OMA1: variants seen among roughly 807,000 people sequenced by gnomAD.
OMA1 encodes the protein metalloendopeptidase OMA1, mitochondrial.
Under a neutral mutation model 30.9 loss-of-function variants are expected in OMA1, and 38 were observed. The observed-to-expected ratio is 1.23, with a 90% CI of 0.95 to 1.61. OMA1 has a LOEUF of 1.61. Among genes scored for constraint, OMA1 ranks in the 40% most tolerant of loss-of-function variants. OMA1 has a pLI of 0.00. For missense variants in OMA1, 461 were observed against 349.2 expected, an observed-to-expected ratio of 1.32 and a Z score of -2.55; for synonymous variants, 173 against 121.9, an observed-to-expected ratio of 1.42 and a Z score of -2.76.
rs989712359 is a variant in OMA1 at position 58,480,937 on chromosome 1, A to C, written c.*28T>G. 2 of 840,740 alleles carry C rather than the reference A, an allele frequency of 2.4e-6. No homozygotes were observed. Among genetic ancestry groups the C allele is most frequent in the African/African-American group, 3.3e-5 (2 of 60,358 alleles). 52.1% of individuals were successfully genotyped at this position (840,740 alleles called of 1,614,324 possible). A position where few individuals can be genotyped will look rare whatever the true frequency, so the allele number is the denominator to read the frequency against. Reference sequence around the variant, plus strand: ...AATGATAAGGACTGCAACATTCTTCATATATCTTGTGTCTCATAAATTTTA... The same window carrying C: ...AATGATAAGGACTGCAACATTCTTCCTATATCTTGTGTCTCATAAATTTTA... On this transcript the variant is annotated 3_prime_UTR_variant, in exon 9 of 9. Transcript: ENST00000371226.
At chr1:58,545,881 C>T (rs1646694873) in intron 1 of OMA1, among the ~76,000 whole-genome samples, 1 of 152,188 alleles carries the variant, frequency 6.6e-6, no homozygotes, top group Non-Finnish European at 1.5e-5. Flanking sequence ...AATTGGACGG[C>T]AGCAGACTTG....
chr1:58,515,718 C>T (rs960029250), intron 7 of OMA1, among the ~76,000 whole-genome samples: 4 of 152,102 alleles, frequency 2.6e-5, no homozygotes, highest in Admixed American at 2.6e-4. Context: ...AGATACTTTG[C>T]TGTGATGAAA....
At chr1:58,543,835 C>A (rs778177905) in intron 1 of OMA1, among the ~76,000 whole-genome samples, 4 of 152,174 alleles carry the variant, frequency 2.6e-5, no homozygotes, top group Non-Finnish European at 4.4e-5. Flanking sequence ...ATACAACAGA[C>A]CTTTCTACAA....
Position 58,534,160 on chromosome 1 carries a change from G to A in OMA1, c.901C>T (p.Pro301Ser), listed in dbSNP as rs1290671392. Residue 301 changes from proline to serine, a missense_variant and splice_region_variant, in exon 4 of 9, where the codon CCA becomes TCA. Physicochemically the swap from Pro to Ser is moderately conservative, Grantham distance 74. Transcript: ENST00000371226. ...DSPIINAFVL[P>S]NGQMFVFTGF... ...TGCGTTTGAGAACATTTACTTACTGGAAGCACGAAGGCATTAATAATTGGG... is the reference window on the plus strand; with the variant it reads ...TGCGTTTGAGAACATTTACTTACTGAAAGCACGAAGGCATTAATAATTGGG... 2.3e-6 allele frequency: 2 copies of A among 870,118 alleles called. No individual in the cohort carries two copies. Among genetic ancestry groups the A allele is most frequent in the African/African-American group, 3.3e-5 (2 of 61,174 alleles). 53.9% of individuals were successfully genotyped at this position (870,118 alleles called of 1,614,324 possible).
intron 7 of OMA1, among the ~76,000 whole-genome samples, chr1:58,525,650 T>C (rs1382824766): frequency 3.3e-5 from 5 of 152,128 alleles, no homozygotes; most frequent in African/African-American, 4.8e-5. Flanking sequence ...CCCAAATTCA[T>C]GTATAAATGC....
intron 8 of OMA1, among the ~76,000 whole-genome samples, chr1:58,490,568 T>C (rs1645663241): frequency 6.6e-6 from 1 of 152,000 alleles, no homozygotes; most frequent in Non-Finnish European, 1.5e-5. Context: ...CAGGCCAACA[T>C]TCAAATTCAG....
chr1:58,531,223 C>G (rs2100475088), intron 5 of OMA1, among the ~76,000 whole-genome samples: 1 of 152,196 alleles, frequency 6.6e-6, no homozygotes. Flanking sequence ...CACTACCTAA[C>G]ATATGAAGCA....
chr1:58,544,728 G>A (rs1646674015), intron 1 of OMA1, among the ~76,000 whole-genome samples: 1 of 152,082 alleles, frequency 6.6e-6, no homozygotes. Flanking sequence ...TCAGTAGCTG[G>A]GATTACAAGC....
At chr1:58,490,702 G>A (rs1239633557) in intron 8 of OMA1, among the ~76,000 whole-genome samples, 1 of 151,080 alleles carries the variant, frequency 6.6e-6, no homozygotes, top group African/African-American at 2.4e-5. Context: ...GAAAGGTCGG[G>A]TTACCCACAA....
Position 58,536,576 on chromosome 1 carries a change from C to G in OMA1, c.666G>C (p.Arg222Ser), listed in dbSNP as rs1646520671. Residue 222 changes from arginine to serine, a missense_variant, in exon 3 of 9, where the codon AGG (arginine) becomes AGC (serine). Arg to Ser is a moderately radical substitution (Grantham distance 110). Coordinates refer to ENST00000371226, the MANE Select transcript of OMA1 (RefSeq NM_145243.5). ...THLEVSPITG[R>S]SKLLLLGKEQ... is the part of the protein sequence containing the mutation. ...CTTTCCCCAATAATAGTAGCTTGCT[C>G]CTTCCTGTGATTGGACTTACTTCCA... 1.1e-6 allele frequency: 1 copy of G among 872,672 alleles called. No homozygotes were observed. Among genetic ancestry groups the G allele is most frequent in the African/African-American group, 1.6e-5 (1 of 61,298 alleles). 54.1% of individuals were successfully genotyped at this position (872,672 alleles called of 1,614,324 possible).
At chr1:58,483,526 G>C (rs1645524799) in intron 8 of OMA1, among the ~76,000 whole-genome samples, 1 of 152,152 alleles carries the variant, frequency 6.6e-6, no homozygotes, top group Non-Finnish European at 1.5e-5. Flanking sequence ...TTCTTCAGTG[G>C]CAGTGGTCTT....
At chr1:58,494,510 A>G (rs1645759213) in intron 8 of OMA1, among the ~76,000 whole-genome samples, 1 of 152,228 alleles carries the variant, frequency 6.6e-6, no homozygotes, top group South Asian at 2.1e-4. Context: ...AATTTTTGCA[A>G]TCTACTCAAC....
In OMA1 at chr1:58,515,303, C is replaced by T. The variant is rs568688150; in HGVS notation, c.1216-9094G>A. On this transcript the variant is annotated intron_variant, in intron 7 of 8. Transcript: ENST00000371226. ...ACCAAGAGAAAACTTATCAAAAATA[C>T]TTCATGTGCTCCAACATAAAAATGA... 5.3e-5 allele frequency among the ~76,000 whole-genome samples: 8 copies of T among 152,280 alleles called. No homozygotes were observed. In the East Asian group the frequency reaches 1.3e-3, roughly 26 times the overall value.
Position 58,534,064 on chromosome 1 carries a change from C to T in OMA1, c.904-4G>A, listed in dbSNP as rs1284370669. 2.3e-6 allele frequency: 2 copies of T among 869,830 alleles called. No individual in the cohort carries two copies. Among genetic ancestry groups the T allele is most frequent in the East Asian group, 2.4e-5 (1 of 41,622 alleles). The allele number at this position is 869,830 out of a possible 1,614,324, so 53.9% of individuals were successfully genotyped here. A position where few individuals can be genotyped will look rare whatever the true frequency, so the allele number is the denominator to read the frequency against. ...TGAAAACAAACATTTGTCCATTCTG[C>T]ACCACAAAGAAAATAATGTAAGCAA... On this transcript the variant is annotated splice_region_variant and splice_polypyrimidine_tract_variant and intron_variant, in intron 4 of 8. Transcript: ENST00000371226.
chr1:58,513,548 C>T (rs755080432), intron 7 of OMA1, among the ~76,000 whole-genome samples: 30 of 152,160 alleles, frequency 2.0e-4, no homozygotes, highest in Non-Finnish European at 3.8e-4. Flanking sequence ...TAATGGCTAC[C>T]GCTGGCCAGA....
At position 58,530,743 on chromosome 1, in the gene OMA1, A is replaced by C; in HGVS notation, c.1012-14T>G. 5 of 869,630 alleles carry C rather than the reference A, an allele frequency of 5.7e-6. No homozygotes were observed. Among genetic ancestry groups the C allele is most frequent in the African/African-American group, 1.6e-5 (1 of 61,192 alleles). The allele number at this position is 869,630 out of a possible 1,614,324, so 53.9% of individuals were successfully genotyped here. ...AGCCTTTTCTGCCTAAGAATAATCA[A>C]AATAATAAAAACTACATTTTATACA... On this transcript the variant is annotated splice_polypyrimidine_tract_variant and intron_variant, in intron 5 of 8. Transcript: ENST00000371226.
chr1:58,528,071 G>T (rs1031481985), intron 6 of OMA1, among the ~76,000 whole-genome samples: 3 of 152,210 alleles, frequency 2.0e-5, no homozygotes, highest in Non-Finnish European at 4.4e-5. Flanking sequence ...TGTCTGTGAT[G>T]GCCTGAAATA....
rs77560446 is a variant in OMA1, at chr1:58,524,144, A to T, written c.1215+3117T>A. Among the ~76,000 whole-genome samples, 480 of 152,328 alleles carry T rather than the reference A, an allele frequency of 3.2e-3. 1 individual carries two copies. The highest frequency in any genetic ancestry group is 0.011 in the African/African-American group (464 of 41,554). On this transcript the variant is annotated intron_variant, in intron 7 of 8. Coordinates refer to ENST00000371226, the MANE Select transcript of OMA1 (RefSeq NM_145243.5). ...TTCCGCAAAACAGTAGAGTTAGCATATCCCTTCTGCCTTAAATCTTGATGC... is the reference window on the plus strand; with the variant it reads ...TTCCGCAAAACAGTAGAGTTAGCATTTCCCTTCTGCCTTAAATCTTGATGC...
chr1:58,534,273 A>T lies in OMA1; in HGVS notation c.788T>A (p.Val263Asp). 1.1e-6 allele frequency: 1 copy of T among 871,268 alleles called. No homozygotes were observed. Among genetic ancestry groups the T allele is most frequent in the Non-Finnish European group, 2.0e-6 (1 of 501,322 alleles). 54.0% of individuals were successfully genotyped at this position (871,268 alleles called of 1,614,324 possible). Residue 263 changes from valine to aspartate, a missense_variant, in exon 4 of 9, where the codon GTT becomes GAT. Physicochemically the swap from Val to Asp is radical, Grantham distance 152 (BLOSUM62 -3). Transcript: ENST00000371226. Reference protein sequence around the residue: ...LTEKDARYLAVKEVLCHLIEC... With the variant: ...LTEKDARYLADKEVLCHLIEC... ...AATTAGATGACAAAGCACTTCTTTA[A>T]CAGCCAGGTATCGGGCATCTTTCTC... is the stretch of plus-strand genomic sequence containing the variant.
Sources: allele counts gnomAD v4.1 joint callset (sites outside exome capture counted in the v4.1 genomes callset), GRCh38; gene constraint gnomAD v4.1.1; transcripts MANE v1.5; gene names NCBI Gene and HGNC (gene_info 2026-07-23, HGNC 2026-07-21).